PPP2R2B: variants seen among roughly 807,000 people sequenced by gnomAD.
PPP2R2B encodes protein phosphatase 2 regulatory subunit Bbeta.
A neutral mutation model predicts 46.0 loss-of-function variants in PPP2R2B; 5 were observed. That is an observed-to-expected ratio of 0.11 (90% CI 0.06 to 0.23). The LOEUF is 0.23. Ranked by LOEUF, PPP2R2B falls within the 10% of genes least tolerant of loss-of-function variation. The pLI, the probability that PPP2R2B is intolerant of heterozygous loss-of-function variation, is 1.00. For missense variants in PPP2R2B, 367 were observed against 575.0 expected (o/e 0.64, Z 3.70); for synonymous variants, 215 against 206.7 (o/e 1.04, Z -0.34).
In PPP2R2B at chr5:146,781,009, A is replaced by AGAT. The variant is rs372043052; in HGVS notation, c.71-79870_71-79868dup. ...TTATTCCAATTCTCATCCACATTTC[A>AGAT]GATGATGATGATGATATTAGTTAAT... On this transcript the variant is annotated intron_variant, in intron 2 of 9. Transcript: ENST00000394411. Among the ~76,000 whole-genome samples the AGAT allele has an allele frequency of 3.6e-4, 55 of 151,292 alleles. No homozygotes were observed. The East Asian group carries it at 5.1e-3, about 14-fold the overall frequency.
At chr5:146,966,695 C>A (rs1431636687) in intron 1 of PPP2R2B, among the ~76,000 whole-genome samples, 4 of 152,194 alleles carry the variant, frequency 2.6e-5, no homozygotes, top group Non-Finnish European at 5.9e-5. Flanking sequence ...TCCCTCGTAC[C>A]TAACACTGGG....
At chr5:146,692,451 C>A (rs1778911474) in intron 4 of PPP2R2B, among the ~76,000 whole-genome samples, 2 of 151,934 alleles carry the variant, frequency 1.3e-5, no homozygotes, top group African/African-American at 4.8e-5. Flanking sequence ...GTCATGCAGG[C>A]CAAGGAAATG....
intron 1 of PPP2R2B, among the ~76,000 whole-genome samples, chr5:146,906,331 A>G (rs1762995493): frequency 6.6e-6 from 1 of 151,714 alleles, no homozygotes; most frequent in Non-Finnish European, 1.5e-5. Flanking sequence ...TTATTTATTT[A>G]TTTATTTGGA....
chr5:146,769,031 C>T (rs1754674339), intron 2 of PPP2R2B, among the ~76,000 whole-genome samples: 2 of 152,096 alleles, frequency 1.3e-5, no homozygotes, highest in African/African-American at 2.4e-5. Flanking sequence ...GTATGTGCCA[C>T]CATGCCTGGC....
intron 5 of PPP2R2B, among the ~76,000 whole-genome samples, chr5:146,655,786 C>T (rs1776284380): frequency 6.6e-6 from 1 of 152,036 alleles, no homozygotes; most frequent in East Asian, 1.9e-4. Context: ...CAGGCACTGC[C>T]CAGGCCGTAT....
chr5:146,629,886 T>C (rs1774315048), intron 7 of PPP2R2B, among the ~76,000 whole-genome samples: 1 of 152,144 alleles, frequency 6.6e-6, no homozygotes, highest in African/African-American at 2.4e-5. Context: ...CAATCTTGGC[T>C]CACTGCAACC....
intron 7 of PPP2R2B, among the ~76,000 whole-genome samples, chr5:146,635,683 C>A (rs1359029947): frequency 6.6e-6 from 1 of 152,214 alleles, no homozygotes; most frequent in African/African-American, 2.4e-5. Context: ...GTCACCTCAC[C>A]CACAGCATGT....
At chr5:146,987,411 A>G (rs1365452583) in intron 1 of PPP2R2B, among the ~76,000 whole-genome samples, 1 of 152,126 alleles carries the variant, frequency 6.6e-6, no homozygotes, top group Non-Finnish European at 1.5e-5. Context: ...TAAAAATAAT[A>G]ATTACAATGA....
intron 5 of PPP2R2B, among the ~76,000 whole-genome samples, chr5:146,686,283 C>A (rs190513234): frequency 2.7e-3 from 407 of 152,230 alleles, no homozygotes; most frequent in Non-Finnish European, 4.3e-3. Context: ...GAAGAGGAGG[C>A]AGACAGCGAA....
intron 1 of PPP2R2B, among the ~76,000 whole-genome samples, chr5:146,925,278 C>T (rs1763745175): frequency 6.6e-6 from 1 of 152,084 alleles, no homozygotes. Context: ...TCATAGAGTA[C>T]CATTTCCGGA....
chr5:146,829,060 A>G (rs548395506), intron 2 of PPP2R2B, among the ~76,000 whole-genome samples: 3 of 152,176 alleles, frequency 2.0e-5, no homozygotes, highest in Non-Finnish European at 4.4e-5. Context: ...AAAATTTTTT[A>G]AAAAAACCTG....
chr5:146,833,861 AT>A (rs1759111729), intron 2 of PPP2R2B, among the ~76,000 whole-genome samples: 1 of 152,054 alleles, frequency 6.6e-6, no homozygotes, highest in Non-Finnish European at 1.5e-5. Context: ...ATAATATTCA[AT>A]GTGCAGAGCT....
At chr5:146,676,020 T>G (rs915247350) in intron 5 of PPP2R2B, among the ~76,000 whole-genome samples, 3 of 152,032 alleles carry the variant, frequency 2.0e-5, no homozygotes, top group African/African-American at 7.2e-5. Flanking sequence ...CATGGGCGGA[T>G]TCACCTTGGA....
intron 5 of PPP2R2B, among the ~76,000 whole-genome samples, chr5:146,653,686 G>A (rs552899272): frequency 1.3e-5 from 2 of 152,168 alleles, no homozygotes; most frequent in Non-Finnish European, 2.9e-5. Flanking sequence ...GGAACAAGAG[G>A]CATTACAGAG....
intron 1 of PPP2R2B, among the ~76,000 whole-genome samples, chr5:146,961,914 G>T (rs1421059079): frequency 6.6e-6 from 1 of 151,716 alleles, no homozygotes; most frequent in Non-Finnish European, 1.5e-5. Flanking sequence ...GCAATTCCTG[G>T]TCATTGCTTG....
intron 5 of PPP2R2B, among the ~76,000 whole-genome samples, chr5:146,666,498 A>G (rs1341916646): frequency 6.6e-6 from 1 of 152,234 alleles, no homozygotes; most frequent in East Asian, 1.9e-4. Context: ...AAACTTAAGC[A>G]TCTTTAATGA....
chr5:147,034,127 A>G (rs1462061906), intron 1 of PPP2R2B, among the ~76,000 whole-genome samples: 1 of 152,122 alleles, frequency 6.6e-6, no homozygotes, highest in Non-Finnish European at 1.5e-5. Flanking sequence ...GCTTTCTTTT[A>G]TGCTAACATA....
chr5:147,040,040 G>A (rs931391712), intron 1 of PPP2R2B, among the ~76,000 whole-genome samples: 4 of 152,084 alleles, frequency 2.6e-5, no homozygotes, highest in African/African-American at 9.7e-5. Context: ...ACCCTGTTAA[G>A]TGGCAAGCTT....
intron 5 of PPP2R2B, 31 bp downstream of exon 5, chr5:146,691,097 T>A: frequency 1.3e-6 from 2 of 1,584,294 alleles, no homozygotes; most frequent in Non-Finnish European, 1.7e-6. Flanking sequence ...TGCCCCTGAC[T>A]GTGGTGGCCA....
Sources: gnomAD v4.1 joint callset for allele counts (sites outside exome capture counted in the v4.1 genomes callset) on GRCh38, gnomAD v4.1.1 for gene constraint, MANE v1.5 for transcripts, NCBI Gene and HGNC (gene_info 2026-07-23, HGNC 2026-07-21) for gene names.